PROSER2: variants seen among roughly 807,000 people sequenced by gnomAD.
The protein encoded by PROSER2 is proline and serine rich 2, also known as proline and serine-rich protein 2.
In PROSER2, 18 loss-of-function variants were observed where a neutral mutation model predicts 14.6. The observed-to-expected ratio is 1.23, with a 90% confidence interval of 0.85 to 1.83. PROSER2 has a LOEUF of 1.83. Among genes scored for constraint, PROSER2 ranks in the 40% most tolerant of loss-of-function variants. PROSER2 has a pLI of 0.00. For synonymous variants in PROSER2, 367 were observed against 286.4 expected, an observed-to-expected ratio of 1.28 and a Z score of -2.84; for missense variants, 823 against 629.8, an observed-to-expected ratio of 1.31 and a Z score of -3.28.
intron 2 of PROSER2, among the ~76,000 whole-genome samples, chr10:11,855,727 C>T (rs1834112600): frequency 6.6e-6 from 1 of 152,128 alleles, no homozygotes; most frequent in Non-Finnish European, 1.5e-5. Flanking sequence ...AGTTAAAGGC[C>T]AGCCTGGGCA....
rs1339526965 is a variant in PROSER2, at chr10:11,870,898, CTTTTGT to C, written c.*498_*503del. The stretch of plus-strand genomic sequence containing the variant: ...ATTTTTTAATGTCTTAATATACTTG[CTTTTGT>C]TTTTGAAGGGTGAGGCATCATGGTA... On this transcript the variant is annotated 3_prime_UTR_variant, in exon 4 of 4. Transcript: ENST00000277570. 2 of 162,360 alleles carry C rather than the reference CTTTTGT, an allele frequency of 1.2e-5. No individual in the cohort carries two copies. Among genetic ancestry groups the C allele is most frequent in the Non-Finnish European group, 2.9e-5 (2 of 68,164 alleles). The allele number at this position is 162,360 out of a possible 1,614,324, so 10.1% of individuals were successfully genotyped here.
chr10:11,858,135 C>T (rs1564311058), intron 2 of PROSER2, among the ~76,000 whole-genome samples: 1 of 152,032 alleles, frequency 6.6e-6, no homozygotes, highest in Non-Finnish European at 1.5e-5. Context: ...AACGGGGTTT[C>T]ACCATGTTGG....
Position 11,871,664 on chromosome 10 carries a change from G to A in PROSER2, c.*1258G>A, listed in dbSNP as rs1338603183. The A allele has an allele frequency of 6.6e-6, 1 of 152,184 alleles. No individual in the cohort carries two copies. The highest frequency in any genetic ancestry group is 2.4e-5 in the African/African-American group (1 of 41,434). 9.4% of individuals were successfully genotyped at this position (152,184 alleles called of 1,614,324 possible). The stretch of plus-strand genomic sequence containing the variant: ...TCTTACACGCTGAGTTATGCCACAA[G>A]CGTTATCATCAAAACTATTTAAGGC... On this transcript the variant is annotated 3_prime_UTR_variant, in exon 4 of 4. Coordinates refer to ENST00000277570, the MANE Select transcript of PROSER2 (RefSeq NM_153256.4).
intron 2 of PROSER2, among the ~76,000 whole-genome samples, chr10:11,859,977 G>A (rs981214028): frequency 6.6e-6 from 1 of 152,182 alleles, no homozygotes; most frequent in African/African-American, 2.4e-5. Context: ...TCCCTGCCGA[G>A]GGCCACAAGC....
At chr10:11,853,694 C>T (rs1397476190) in intron 2 of PROSER2, among the ~76,000 whole-genome samples, 1 of 152,204 alleles carries the variant, frequency 6.6e-6, no homozygotes, top group Non-Finnish European at 1.5e-5. Context: ...CCGCCACCAT[C>T]TTGTTTGGAT....
At chr10:11,854,586 T>C (rs1300247861) in intron 2 of PROSER2, among the ~76,000 whole-genome samples, 3 of 151,710 alleles carry the variant, frequency 2.0e-5, no homozygotes, top group Non-Finnish European at 1.5e-5. Context: ...GCTGGGATTA[T>C]AGGCATGAGC....
In PROSER2 at chr10:11,824,135, A is replaced by AT. The variant is rs893882372; in HGVS notation, c.-82+675dup. On this transcript the variant is annotated intron_variant, in intron 1 of 3. Transcript: ENST00000277570. ...ATTTAAGCATGTAGTTGTTTGGTGT[A>AT]TTTTTTTTTTCCTTAACCACAGGAA... Among the ~76,000 whole-genome samples the AT allele has an allele frequency of 2.4e-3, 365 of 150,342 alleles. 1 individual carries two copies. The highest frequency in any genetic ancestry group is 4.3e-3 in the Non-Finnish European group (292 of 67,406).
chr10:11,859,075 G>T (rs1362837528), intron 2 of PROSER2, among the ~76,000 whole-genome samples: 1 of 146,742 alleles, frequency 6.8e-6, no homozygotes. Context: ...ATCTGAAGAT[G>T]TGTATCCTTA....
In PROSER2 at chr10:11,837,219, A is replaced by G. The variant is rs907336027; in HGVS notation, c.-82+13749A>G. On this transcript the variant is annotated intron_variant, in intron 1 of 3. Transcript: ENST00000277570. The surrounding 1 kb of genome is among the most constrained non-coding windows in gnomAD (Gnocchi z 4.6). The stretch of plus-strand genomic sequence containing the variant: ...AAGTTCTGAACTTGGAGAAGAAAAA[A>G]AAATCAAATGCTGAGGTCGCTGAGA... Among the ~76,000 whole-genome samples the G allele has an allele frequency of 2.6e-5, 4 of 152,348 alleles. No homozygotes were observed. Among genetic ancestry groups the G allele is most frequent in the Non-Finnish European group, 5.9e-5 (4 of 68,038 alleles).
intron 1 of PROSER2, chr10:11,831,619 A>G (rs893076919): frequency 2.6e-5 from 4 of 152,200 alleles, no homozygotes; most frequent in Non-Finnish European, 5.9e-5. Flanking sequence ...TTCCCCAGCT[A>G]GACTCTGCTC....
chr10:11,843,305 C>T (rs1275903830), intron 1 of PROSER2, among the ~76,000 whole-genome samples: 6 of 151,198 alleles, frequency 4.0e-5, no homozygotes, highest in Non-Finnish European at 5.9e-5. Context: ...GTAATCCCAG[C>T]ACTTTGGGAG....
chr10:11,832,356 C>T (rs964224443), intron 1 of PROSER2, among the ~76,000 whole-genome samples: 8 of 152,226 alleles, frequency 5.3e-5, no homozygotes, highest in East Asian at 1.9e-4. Flanking sequence ...TGAGAAATAG[C>T]GCAGACTAAA....
chr10:11,825,254 CT>C (rs34495907), intron 1 of PROSER2, among the ~76,000 whole-genome samples: 111,799 of 152,104 alleles, frequency 0.74, 41,302 homozygotes, highest in East Asian at 0.78. Flanking sequence ...GCCTCTAGAA[CT>C]TAGAAGTTCA....
At chr10:11,840,945 AAAAAAAAAAAATATATATATAT>A (rs1833832453) in intron 1 of PROSER2, among the ~76,000 whole-genome samples, 4 of 50,290 alleles carry the variant, frequency 8.0e-5, no homozygotes, top group East Asian at 6.6e-4. Context: ...AAAAAAAAAA[AAAAAAAAAAAATATATATATAT>A]ATATATATAT....
chr10:11,837,750 C>T lies in PROSER2; in HGVS notation c.-81-14247C>T, dbSNP rs778122137. Reference sequence around the variant, plus strand: ...ACGATTTCTTTCCCTCACATTTCCTCGGTGCAAAACCTAATAGTAGAATGT... The same window carrying T: ...ACGATTTCTTTCCCTCACATTTCCTTGGTGCAAAACCTAATAGTAGAATGT... On this transcript the variant is annotated intron_variant, in intron 1 of 3. Coordinates refer to ENST00000277570, the MANE Select transcript of PROSER2 (RefSeq NM_153256.4). The surrounding 1 kb of genome is among the most constrained non-coding windows in gnomAD (Gnocchi z 4.6). 2.0e-5 allele frequency among the ~76,000 whole-genome samples: 3 copies of T among 152,178 alleles called. No individual in the cohort carries two copies. The highest frequency in any genetic ancestry group is 2.4e-5 in the African/African-American group (1 of 41,428).
intron 1 of PROSER2, among the ~76,000 whole-genome samples, chr10:11,843,145 T>A (rs1035705250): frequency 6.7e-6 from 1 of 149,352 alleles, no homozygotes; most frequent in Admixed American, 6.6e-5. Flanking sequence ...TTTCACCATG[T>A]TAGCCAGGAT....
intron 2 of PROSER2, among the ~76,000 whole-genome samples, chr10:11,861,731 G>T (rs775425718): frequency 1.3e-5 from 2 of 152,192 alleles, no homozygotes; most frequent in Non-Finnish European, 2.9e-5. Flanking sequence ...CCTTGGTAGA[G>T]TTGAGAAGCT....
At position 11,837,824 on chromosome 10, in the gene PROSER2, G is replaced by T. The variant is rs761733280; in HGVS notation, c.-81-14173G>T. ...CAGCTTAGATTCTTCAGTAAAGTGC[G>T]TTGGGTTAACCGTTCCCTGGTTAGT... On this transcript the variant is annotated intron_variant, in intron 1 of 3. Transcript: ENST00000277570. This position sits in a 1 kb window ranked among gnomAD's most constrained non-coding sequence, Gnocchi z 4.6. 6.6e-6 allele frequency among the ~76,000 whole-genome samples: 1 copy of T among 152,138 alleles called. No homozygotes were observed. The highest frequency in any genetic ancestry group is 2.4e-5 in the African/African-American group (1 of 41,418).
chr10:11,852,015 G>T lies in PROSER2; in HGVS notation c.-63G>T. ...TCTCTAGGAGTGAGCTGTTGCCGCA[G>T]AATGGGCTGCTGGCTCCTGCCCTGC... On this transcript the variant is annotated 5_prime_UTR_variant, in exon 2 of 4. Coordinates refer to ENST00000277570, the MANE Select transcript of PROSER2 (RefSeq NM_153256.4). The T allele has an allele frequency of 1.3e-6, 2 of 1,520,112 alleles. No homozygotes were observed. Among genetic ancestry groups the T allele is most frequent in the South Asian group, 1.3e-5 (1 of 78,046 alleles). 94.2% of individuals were successfully genotyped at this position (1,520,112 alleles called of 1,614,324 possible). A position where few individuals can be genotyped will look rare whatever the true frequency, so the allele number is the denominator to read the frequency against.
Sources: gnomAD v4.1 joint callset for allele counts (sites outside exome capture counted in the v4.1 genomes callset) on GRCh38, gnomAD v4.1.1 for gene constraint, Gnocchi (gnomAD v3.1) non-coding constraint, MANE v1.5 for transcripts, NCBI Gene and HGNC (gene_info 2026-07-23, HGNC 2026-07-21) for gene names.